OGFOD1: variants seen among roughly 807,000 people sequenced by gnomAD.
The protein encoded by OGFOD1 is prolyl 3-hydroxylase OGFOD1.
A neutral mutation model predicts 67.7 loss-of-function variants in OGFOD1; 54 were observed. The ratio of observed to expected loss-of-function variants is 0.80; its 90% CI spans 0.64 to 1.00. The LOEUF is 1.00. Ranked by LOEUF, OGFOD1 falls within the 50% of genes least tolerant of loss-of-function variation. OGFOD1 has a pLI of 0.00. For synonymous variants in OGFOD1, 221 were observed against 227.0 expected (o/e 0.97, Z 0.24); for missense variants, 606 against 646.7 (o/e 0.94, Z 0.68).
At chr16:56,458,876 T>G (rs1165893163) in intron 3 of OGFOD1, 2 of 407,120 alleles carry the variant, frequency 4.9e-6, no homozygotes, top group Middle Eastern at 7.2e-4. Context: ...GGAGATACCA[T>G]TTTTCACATG....
At chr16:56,451,552 C>G, upstream of OGFOD1, 1 of 1,570,052 alleles carries the variant, frequency 6.4e-7, no homozygotes, top group Admixed American at 1.7e-5. Flanking sequence ...CCGGGAGTTG[C>G]AGTACCCTCA....
chr16:56,459,167 C>T (rs1962629579), intron 3 of OGFOD1, among the ~76,000 whole-genome samples: 2 of 151,884 alleles, frequency 1.3e-5, no homozygotes, highest in African/African-American at 4.8e-5. Context: ...ATGGAGAAAC[C>T]CTGTCTCTAC....
At chr16:56,463,333 G>A (rs1308836708) in intron 4 of OGFOD1, among the ~76,000 whole-genome samples, 2 of 146,682 alleles carry the variant, frequency 1.4e-5, no homozygotes, top group Non-Finnish European at 3.0e-5. Context: ...TGATACATAG[G>A]AAAAGCCATA....
At chr16:56,454,651 G>T in intron 2 of OGFOD1, 1 of 320,950 alleles carries the variant, frequency 3.1e-6, no homozygotes, top group South Asian at 2.4e-5. Flanking sequence ...AAATTGGGGG[G>T]GGAAAAAAAA....
In OGFOD1 at chr16:56,458,697, A is replaced by C. The variant is rs989433916; in HGVS notation, c.347+103A>C. ...TGTATGTCATATAATTCTTGTTGAC[A>C]TTGTTAACCCACTTTGTAGAGGAGG... On this transcript the variant is annotated intron_variant, in intron 3 of 12. Coordinates refer to ENST00000566157, the MANE Select transcript of OGFOD1 (RefSeq NM_018233.4). 4.1e-6 allele frequency: 4 copies of C among 972,190 alleles called. No homozygotes were observed. In the African/African-American group the frequency reaches 4.8e-5, roughly 12 times the overall value. The allele number at this position is 972,190 out of a possible 1,614,324, so 60.2% of individuals were successfully genotyped here.
chr16:56,453,143 T>G lies in OGFOD1; in HGVS notation c.155-120T>G, dbSNP rs538157817. On this transcript the variant is annotated intron_variant, in intron 1 of 12. Transcript: ENST00000566157. ...ATCATTTTTTCCCCAAATCTTAGAC[T>G]TTAAGTATTAGGTTCCCCAAAATTC... is the stretch of plus-strand genomic sequence containing the variant. The G allele has an allele frequency of 3.6e-5, 35 of 982,684 alleles. No homozygotes were observed. In the Middle Eastern group the frequency reaches 8.4e-4, roughly 24 times the overall value. The allele number at this position is 982,684 out of a possible 1,614,324, so 60.9% of individuals were successfully genotyped here.
Position 56,476,421 on chromosome 16 carries a change from C to CTTT in OGFOD1, c.*226_*228dup. 4 of 286,862 alleles carry CTTT rather than the reference C, an allele frequency of 1.4e-5. No individual in the cohort carries two copies. Among genetic ancestry groups the CTTT allele is most frequent in the Non-Finnish European group, 1.3e-5 (2 of 159,870 alleles). The allele number at this position is 286,862 out of a possible 1,614,324, so 17.8% of individuals were successfully genotyped here. On this transcript the variant is annotated 3_prime_UTR_variant, in exon 13 of 13. Coordinates refer to ENST00000566157, the MANE Select transcript of OGFOD1 (RefSeq NM_018233.4). ...CTCTTGATTAAAAAAAAAAAGTTGG[C>CTTT]TTTTTTTTTTTTAACATTTAGTCCT...
intron 8 of OGFOD1, among the ~76,000 whole-genome samples, chr16:56,468,969 C>T (rs1963026539): frequency 6.6e-6 from 1 of 152,094 alleles, no homozygotes; most frequent in African/African-American, 2.4e-5. Flanking sequence ...GCTATTCCTC[C>T]ATGAAAAAAG....
intron 2 of OGFOD1, among the ~76,000 whole-genome samples, chr16:56,456,605 G>T (rs1474460510): frequency 6.6e-6 from 1 of 152,084 alleles, no homozygotes; most frequent in East Asian, 1.9e-4. Flanking sequence ...ACAGGCAATC[G>T]CCACATGATA....
At chr16:56,459,958 CT>C (rs1962657015) in intron 3 of OGFOD1, among the ~76,000 whole-genome samples, 2 of 152,122 alleles carry the variant, frequency 1.3e-5, no homozygotes, top group African/African-American at 4.8e-5. Context: ...TTTGTAATAG[CT>C]GTTTTTCACC....
chr16:56,467,430 C>CTTTTTTTTTTTTT, intron 7 of OGFOD1, 137 bp downstream of exon 7: 1 of 754,788 alleles, frequency 1.3e-6, no homozygotes, highest in Admixed American at 3.2e-5. Context: ...TTTTTTCTTC[C>CTTTTTTTTTTTTT]TTTTTTTTTT....
At chr16:56,458,398 G>C in intron 2 of OGFOD1, 150 bp from the exon 3 acceptor site, 3 of 699,210 alleles carry the variant, frequency 4.3e-6, no homozygotes, top group Non-Finnish European at 5.2e-6. Context: ...CCATCCAATG[G>C]AGGGGCCCTG....
chr16:56,458,977 G>T, intron 3 of OGFOD1: 1 of 182,958 alleles, frequency 5.5e-6, no homozygotes, highest in Non-Finnish European at 1.1e-5. Context: ...CTTCAAAGAT[G>T]GTTTTGAAAG....
intron 2 of OGFOD1, among the ~76,000 whole-genome samples, chr16:56,455,137 G>C (rs1460040658): frequency 6.6e-6 from 1 of 152,236 alleles, no homozygotes; most frequent in Non-Finnish European, 1.5e-5. Flanking sequence ...GGAGGCTGAG[G>C]CGGGCAGATC....
At chr16:56,458,417 C>G (rs1407580599) in intron 2 of OGFOD1, 131 bp from the exon 3 acceptor site, 1 of 788,282 alleles carries the variant, frequency 1.3e-6, no homozygotes, top group Non-Finnish European at 2.2e-6. Flanking sequence ...TGTGTTAAAC[C>G]TAAGCAGCCT....
At chr16:56,461,210 G>C (rs1332662714) in intron 3 of OGFOD1, among the ~76,000 whole-genome samples, 1 of 152,196 alleles carries the variant, frequency 6.6e-6, no homozygotes, top group African/African-American at 2.4e-5. Context: ...CTGACCTCCT[G>C]CAAGGGAAGA....
intron 4 of OGFOD1, chr16:56,465,919 C>T (rs1266149870): frequency 1.1e-5 from 4 of 356,012 alleles, no homozygotes; most frequent in Admixed American, 4.4e-5. Flanking sequence ...ATATTGTTAG[C>T]GATTATATCT....
intron 11 of OGFOD1, 37 bp downstream of exon 11, chr16:56,474,987 G>A (rs369524051): frequency 3.7e-5 from 60 of 1,607,658 alleles, no homozygotes; most frequent in Non-Finnish European, 4.5e-5. Context: ...ATTATTCCCC[G>A]TAGGAGGGGC....
intron 3 of OGFOD1, among the ~76,000 whole-genome samples, chr16:56,460,710 A>T (rs1174190934): frequency 6.6e-6 from 1 of 152,254 alleles, no homozygotes. Flanking sequence ...TTAGAGATCA[A>T]CCTGGAGATT....
Sources: gnomAD v4.1 joint callset for allele counts (sites outside exome capture counted in the v4.1 genomes callset) on GRCh38, gnomAD v4.1.1 for gene constraint, MANE v1.5 for transcripts, NCBI Gene and HGNC (gene_info 2026-07-23, HGNC 2026-07-21) for gene names.